CAMKMT: variants seen among roughly 807,000 people sequenced by gnomAD.
CAMKMT encodes calmodulin-lysine N-methyltransferase.
CAMKMT carries 53 observed loss-of-function variants against 48.0 expected under a neutral mutation model. The observed-to-expected ratio is 1.10, with a 90% CI of 0.89 to 1.39. The LOEUF (loss-of-function observed/expected upper bound fraction) is 1.39, where lower values mean the gene tolerates loss of function less well. Among genes scored for constraint, CAMKMT ranks in the 40% most tolerant of loss-of-function variants. CAMKMT has a pLI of 0.00. For synonymous variants in CAMKMT, 165 were observed against 152.3 expected, an observed-to-expected ratio of 1.08 and a Z score of -0.61; for missense variants, 428 against 402.7, an observed-to-expected ratio of 1.06 and a Z score of -0.54.
chr2:44,482,432 C>G (rs1669020292), intron 3 of CAMKMT, among the ~76,000 whole-genome samples: 1 of 152,054 alleles, frequency 6.6e-6, no homozygotes, highest in African/African-American at 2.4e-5. Flanking sequence ...GCATCTATTG[C>G]TATTTTAGAG....
intron 3 of CAMKMT, among the ~76,000 whole-genome samples, chr2:44,493,748 A>G (rs74262131): frequency 0.056 from 8,513 of 152,260 alleles, 311 homozygotes; most frequent in South Asian, 0.15. Context: ...AGGGGTAACA[A>G]AATTTCTTTG....
intron 3 of CAMKMT, among the ~76,000 whole-genome samples, chr2:44,649,535 G>A (rs1673940809): frequency 1.3e-5 from 2 of 152,140 alleles, no homozygotes. Context: ...CTGAACTGGA[G>A]CTTGAAGGGA....
At chr2:44,762,679 C>G (rs1330570396) in intron 9 of CAMKMT, among the ~76,000 whole-genome samples, 2 of 152,126 alleles carry the variant, frequency 1.3e-5, no homozygotes, top group African/African-American at 4.8e-5. Context: ...AAAAATAAAT[C>G]TGAAGCATAC....
intron 3 of CAMKMT, among the ~76,000 whole-genome samples, chr2:44,596,036 G>C (rs900716352): frequency 6.6e-6 from 1 of 151,814 alleles, no homozygotes; most frequent in Admixed American, 6.6e-5. Context: ...ACCTAATGTA[G>C]ATGATGGGTT....
intron 3 of CAMKMT, among the ~76,000 whole-genome samples, chr2:44,445,526 A>G (rs1319391064): frequency 6.6e-6 from 1 of 151,972 alleles, no homozygotes; most frequent in East Asian, 1.9e-4. Flanking sequence ...GTGTCTCCAT[A>G]CTACGGGACA....
chr2:44,458,855 GT>G (rs1667709898), intron 3 of CAMKMT, among the ~76,000 whole-genome samples: 1 of 152,086 alleles, frequency 6.6e-6, no homozygotes. Context: ...GTAATACGAG[GT>G]TTCTAAAGGC....
At chr2:44,381,877 T>G (rs1396245891) in intron 2 of CAMKMT, among the ~76,000 whole-genome samples, 2 of 152,130 alleles carry the variant, frequency 1.3e-5, no homozygotes, top group Non-Finnish European at 2.9e-5. Context: ...ATTGCTTTTA[T>G]ATTAAAACTT....
intron 3 of CAMKMT, among the ~76,000 whole-genome samples, chr2:44,565,558 C>T (rs1381049321): frequency 6.6e-6 from 1 of 152,078 alleles, no homozygotes; most frequent in Admixed American, 6.6e-5. Flanking sequence ...TAAACAGATT[C>T]TAAAGCAGTT....
rs949765900 is a variant in CAMKMT, at chr2:44,418,808, T to C, written c.376+28503T>C. 9.2e-5 allele frequency among the ~76,000 whole-genome samples: 14 copies of C among 152,246 alleles called. 1 individual carries two copies. Among genetic ancestry groups the C allele is most frequent in the Admixed American group, 8.5e-4 (13 of 15,288 alleles). On this transcript the variant is annotated intron_variant, in intron 3 of 10. Coordinates refer to ENST00000378494, the MANE Select transcript of CAMKMT (RefSeq NM_024766.5). ...TACTACAATTTTGATTGGATGGCAC[T>C]AAATTTGTAGCTGAATTTGGGGAGA...
chr2:44,580,792 A>T (rs1382620655), intron 3 of CAMKMT, among the ~76,000 whole-genome samples: 2 of 152,136 alleles, frequency 1.3e-5, no homozygotes, highest in Non-Finnish European at 2.9e-5. Context: ...TAATTATCAA[A>T]CTTTTTGTCA....
chr2:44,367,811 A>G (rs1325815857), intron 1 of CAMKMT, among the ~76,000 whole-genome samples: 1 of 152,218 alleles, frequency 6.6e-6, no homozygotes, highest in Non-Finnish European at 1.5e-5. Context: ...TCAAAGTACC[A>G]TTGTGGGGAA....
intron 7 of CAMKMT, among the ~76,000 whole-genome samples, chr2:44,730,320 C>T (rs959109910): frequency 6.6e-6 from 1 of 152,208 alleles, no homozygotes; most frequent in Non-Finnish European, 1.5e-5. Flanking sequence ...ATACCTTCCC[C>T]AACTTGTCCA....
At chr2:44,385,875 C>G (rs777460082) in intron 2 of CAMKMT, among the ~76,000 whole-genome samples, 1 of 152,202 alleles carries the variant, frequency 6.6e-6, no homozygotes, top group Middle Eastern at 3.4e-3. Context: ...ATTCAGTTAA[C>G]TGGTATTTTG....
intron 3 of CAMKMT, among the ~76,000 whole-genome samples, chr2:44,610,143 T>C (rs543736016): frequency 6.0e-4 from 91 of 152,284 alleles, no homozygotes; most frequent in African/African-American, 2.1e-3. Flanking sequence ...AATGTGTTCA[T>C]TGAGAAGAGA....
intron 3 of CAMKMT, among the ~76,000 whole-genome samples, chr2:44,471,999 T>TTTGAAAATTTTCAAATTTCAAATTTTCAA (rs1668444232): frequency 6.6e-6 from 1 of 152,172 alleles, no homozygotes; most frequent in Non-Finnish European, 1.5e-5. Context: ...TATTTTCAAA[T>TTTGAAAATTTTCAAATTTCAAATTTTCAA]AGTACTTTAA....
intron 3 of CAMKMT, among the ~76,000 whole-genome samples, chr2:44,520,419 C>G (rs1671046823): frequency 6.6e-6 from 1 of 152,046 alleles, no homozygotes; most frequent in Non-Finnish European, 1.5e-5. Flanking sequence ...ATCCAGCCCT[C>G]AAAGCATTTT....
chr2:44,735,885 C>G (rs1371742541), intron 7 of CAMKMT, among the ~76,000 whole-genome samples: 2 of 151,512 alleles, frequency 1.3e-5, no homozygotes, highest in African/African-American at 4.9e-5. Context: ...TGTACTCGAG[C>G]CTGCTCTGTC....
At chr2:44,526,148 C>G (rs1016755978) in intron 3 of CAMKMT, among the ~76,000 whole-genome samples, 1 of 150,898 alleles carries the variant, frequency 6.6e-6, no homozygotes, top group Admixed American at 6.6e-5. Flanking sequence ...GACAAAAAAC[C>G]TCTTTCCCAA....
chr2:44,505,377 G>C (rs1670207932), intron 3 of CAMKMT, among the ~76,000 whole-genome samples: 1 of 152,162 alleles, frequency 6.6e-6, no homozygotes, highest in Non-Finnish European at 1.5e-5. Context: ...CTTTTGCTGA[G>C]CAAAGGCTTT....
Sources: allele counts gnomAD v4.1 joint callset (sites outside exome capture counted in the v4.1 genomes callset), GRCh38; gene constraint gnomAD v4.1.1; transcripts MANE v1.5; gene names NCBI Gene and HGNC (gene_info 2026-07-23, HGNC 2026-07-21).